KCNAB1: variants seen among roughly 807,000 people sequenced by gnomAD.
The protein encoded by KCNAB1 is potassium voltage-gated channel subfamily A regulatory beta subunit 1, also known as voltage-gated potassium channel subunit beta-1.
KCNAB1 carries 35 observed loss-of-function variants against 64.6 expected under a neutral mutation model. The ratio of observed to expected loss-of-function variants is 0.54; its 90% CI spans 0.41 to 0.72. KCNAB1 has a LOEUF of 0.72. Ranked by LOEUF, KCNAB1 falls within the 30% of genes least tolerant of loss-of-function variation. The pLI, the probability that KCNAB1 is intolerant of heterozygous loss-of-function variation, is 0.00. For missense variants in KCNAB1, 401 were observed against 512.9 expected, an observed-to-expected ratio of 0.78 and a Z score of 2.11; for synonymous variants, 177 against 183.8, an observed-to-expected ratio of 0.96 and a Z score of 0.30.
At chr3:156,472,542 A>G (rs1576911332) in intron 7 of KCNAB1, among the ~76,000 whole-genome samples, 1 of 152,288 alleles carries the variant, frequency 6.6e-6, no homozygotes, top group African/African-American at 2.4e-5. Flanking sequence ...CTTTAGAGGG[A>G]CAATTTCCTT....
intron 1 of KCNAB1, among the ~76,000 whole-genome samples, chr3:156,363,329 C>G (rs943179744): frequency 3.3e-5 from 5 of 152,100 alleles, no homozygotes; most frequent in African/African-American, 1.2e-4. Context: ...GACTGTATGT[C>G]CAGCCAAAAT....
chr3:156,503,685 G>T (rs983036133), intron 8 of KCNAB1, among the ~76,000 whole-genome samples: 2 of 152,008 alleles, frequency 1.3e-5, no homozygotes, highest in African/African-American at 2.4e-5. Flanking sequence ...AAAGGTGGAG[G>T]GAAAGATCAC....
At chr3:156,437,027 G>T (rs1167692779) in intron 2 of KCNAB1, among the ~76,000 whole-genome samples, 2 of 152,056 alleles carry the variant, frequency 1.3e-5, no homozygotes, top group African/African-American at 4.8e-5. Context: ...TTCTTCTAGG[G>T]TTTTTATAGT....
At chr3:156,215,302 G>A (rs1042535397) in intron 1 of KCNAB1, among the ~76,000 whole-genome samples, 3 of 152,136 alleles carry the variant, frequency 2.0e-5, no homozygotes, top group Non-Finnish European at 4.4e-5. Flanking sequence ...CCTGTGGCCC[G>A]CAAGCATCAC....
intron 1 of KCNAB1, among the ~76,000 whole-genome samples, chr3:156,359,564 G>T (rs1406845735): frequency 1.3e-5 from 2 of 152,162 alleles, no homozygotes; most frequent in African/African-American, 4.8e-5. Context: ...TTAAAAACCA[G>T]CATCCAGGAG....
At chr3:156,335,515 C>G (rs1723629544) in intron 1 of KCNAB1, among the ~76,000 whole-genome samples, 2 of 152,224 alleles carry the variant, frequency 1.3e-5, no homozygotes, top group Non-Finnish European at 2.9e-5. Flanking sequence ...GCTCTATTTA[C>G]TCCTATTGCA....
At chr3:156,139,779 T>TGTGC (rs1714601804) in intron 1 of KCNAB1, among the ~76,000 whole-genome samples, 1 of 152,088 alleles carries the variant, frequency 6.6e-6, no homozygotes, top group South Asian at 2.1e-4. Flanking sequence ...CAATGTTGAT[T>TGTGC]GTGCACAAAG....
intron 1 of KCNAB1, among the ~76,000 whole-genome samples, chr3:156,179,482 T>C (rs1451030960): frequency 2.9e-5 from 4 of 137,676 alleles, no homozygotes; most frequent in African/African-American, 1.0e-4. Context: ...TTGCTCGTTA[T>C]TTCACGTGGA....
At position 156,345,909 on chromosome 3, in the gene KCNAB1, A is replaced by G. The variant is rs376498165; in HGVS notation, c.276-75707A>G. On this transcript the variant is annotated intron_variant, in intron 1 of 13. Transcript: ENST00000490337. ...CTACTGAGCAACACCTCACTATAGA[A>G]TACTGAATTGAAATAAATACAATTT... Among the ~76,000 whole-genome samples the G allele has an allele frequency of 4.9e-4, 74 of 152,288 alleles. 1 individual carries two copies. Among genetic ancestry groups the G allele is most frequent in the African/African-American group, 1.7e-3 (72 of 41,562 alleles).
chr3:156,340,613 C>T (rs746164858), intron 1 of KCNAB1, among the ~76,000 whole-genome samples: 3 of 152,318 alleles, frequency 2.0e-5, no homozygotes, highest in Non-Finnish European at 4.4e-5. Flanking sequence ...CTGACCATGT[C>T]CTTCCCTTTC....
chr3:156,262,553 T>C (rs956515217), intron 1 of KCNAB1, among the ~76,000 whole-genome samples: 1 of 151,818 alleles, frequency 6.6e-6, no homozygotes, highest in Non-Finnish European at 1.5e-5. Flanking sequence ...TATAATCCTT[T>C]TACAAGTCGC....
At chr3:156,216,645 T>C (rs1375942466) in intron 1 of KCNAB1, among the ~76,000 whole-genome samples, 2 of 152,140 alleles carry the variant, frequency 1.3e-5, no homozygotes, top group Non-Finnish European at 2.9e-5. Flanking sequence ...TGGGGGAAGA[T>C]AGGGTGGGAT....
chr3:156,399,236 T>G (rs1427599649), intron 1 of KCNAB1, among the ~76,000 whole-genome samples: 1 of 152,142 alleles, frequency 6.6e-6, no homozygotes, highest in African/African-American at 2.4e-5. Flanking sequence ...GGTGTTTCAG[T>G]CGTGTTAGGT....
At chr3:156,476,513 A>ATG (rs1714356019) in intron 8 of KCNAB1, among the ~76,000 whole-genome samples, 2 of 116,014 alleles carry the variant, frequency 1.7e-5, no homozygotes, top group South Asian at 6.1e-4. Context: ...TCCATCATAT[A>ATG]TATATATATA....
chr3:156,382,804 A>C (rs1297545316), intron 1 of KCNAB1, among the ~76,000 whole-genome samples: 1 of 152,192 alleles, frequency 6.6e-6, no homozygotes, highest in Non-Finnish European at 1.5e-5. Flanking sequence ...GGGATCTCCA[A>C]GTGACCACCA....
intron 7 of KCNAB1, among the ~76,000 whole-genome samples, chr3:156,468,470 T>C (rs1262194124): frequency 6.6e-6 from 1 of 152,138 alleles, no homozygotes; most frequent in East Asian, 1.9e-4. Flanking sequence ...ATTTTAAGCA[T>C]ATGGGCTTTC....
chr3:156,354,120 G>GTATATATA (rs34730584), intron 1 of KCNAB1, among the ~76,000 whole-genome samples: 3,848 of 132,460 alleles, frequency 0.029, 71 homozygotes, highest in Middle Eastern at 0.12. Flanking sequence ...ATGTGTGTGT[G>GTATATATA]TATATATATA....
At chr3:156,122,675 A>G (rs1034132789) in intron 1 of KCNAB1, among the ~76,000 whole-genome samples, 3 of 152,190 alleles carry the variant, frequency 2.0e-5, no homozygotes, top group African/African-American at 7.2e-5. Context: ...CTTGTTTAGT[A>G]AAAGGGTTGA....
At chr3:156,306,568 G>A (rs1353167503) in intron 1 of KCNAB1, among the ~76,000 whole-genome samples, 30 of 152,148 alleles carry the variant, frequency 2.0e-4, no homozygotes, top group Admixed American at 1.7e-3. Flanking sequence ...GTGTGTTTTC[G>A]GTGTCCAGAT....
Sources: gnomAD v4.1 joint callset for allele counts (sites outside exome capture counted in the v4.1 genomes callset) on GRCh38, gnomAD v4.1.1 for gene constraint, MANE v1.5 for transcripts, NCBI Gene and HGNC (gene_info 2026-07-23, HGNC 2026-07-21) for gene names.